The following ITGB7 variants were observed in gnomAD, a reference collection of about 807,000 sequenced individuals.
The protein encoded by ITGB7 is integrin beta-7.
A neutral mutation model predicts 83.4 loss-of-function variants in ITGB7; 55 were observed. The ratio of observed to expected loss-of-function variants is 0.66; its 90% CI spans 0.53 to 0.83. The LOEUF (loss-of-function observed/expected upper bound fraction) is 0.83. Ranked by LOEUF, ITGB7 falls within the 40% of genes least tolerant of loss-of-function variation. The pLI, the probability that ITGB7 is intolerant of heterozygous loss-of-function variation, is 0.00. For missense variants in ITGB7, 921 were observed against 1,046.7 expected (o/e 0.88, Z 1.66); for synonymous variants, 454 against 423.6 (o/e 1.07, Z -0.88).
At chr12:53,194,424 C>G in intron 9 of ITGB7, 80 bp from the exon 10 acceptor site, 2 of 1,429,142 alleles carry the variant, frequency 1.4e-6, no homozygotes, top group South Asian at 1.2e-5. Context: ...TCCAGGTGTT[C>G]CCAATTCTGC....
chr12:53,202,395 C>A (rs1028586125), intron 1 of ITGB7, among the ~76,000 whole-genome samples: 1 of 152,080 alleles, frequency 6.6e-6, no homozygotes, highest in Non-Finnish European at 1.5e-5. Flanking sequence ...TGGAGTCTTG[C>A]TCAGGCTGGA....
chr12:53,200,300 G>A lies in ITGB7; in HGVS notation c.144C>T (p.Ala48=). Reference sequence around the variant, plus strand: ...AGAGGATGCACTTCTGGCAGGAGGGGGCTGGCTGGCAGGACCCCAGCATGG... The same window carrying A: ...AGAGGATGCACTTCTGGCAGGAGGGAGCTGGCTGGCAGGACCCCAGCATGG... ...HLSMLGSCQP[A]PSCQKCILSH... is the part of the protein sequence containing the mutation. The change falls in exon 3 of 16, where the codon GCC becomes GCT. Residue 48 remains alanine, a synonymous_variant. Coordinates refer to ENST00000267082, the MANE Select transcript of ITGB7 (RefSeq NM_000889.3). 6.2e-7 allele frequency: 1 copy of A among 1,614,120 alleles called. No individual in the cohort carries two copies. Among genetic ancestry groups the A allele is most frequent in the Non-Finnish European group, 8.5e-7 (1 of 1,180,028 alleles).
chr12:53,202,818 G>A (rs1174056655), intron 1 of ITGB7, among the ~76,000 whole-genome samples: 4 of 152,014 alleles, frequency 2.6e-5, no homozygotes, highest in African/African-American at 7.2e-5. Context: ...AAAATTAGCC[G>A]GGTGTAGTGG....
Position 53,191,429 on chromosome 12 carries a change from G to A in ITGB7, c.*127C>T, listed in dbSNP as rs1270247754. The A allele has an allele frequency of 1.3e-6, 1 of 760,096 alleles. No individual in the cohort carries two copies. The highest frequency in any genetic ancestry group is 2.3e-6 in the Non-Finnish European group (1 of 427,940). The allele number at this position is 760,096 out of a possible 1,614,324, so 47.1% of individuals were successfully genotyped here. A position where few individuals can be genotyped will look rare whatever the true frequency, so the allele number is the denominator to read the frequency against. On this transcript the variant is annotated 3_prime_UTR_variant, in exon 16 of 16. Transcript: ENST00000267082. ...GGGTGTCACTCTGAAAATGAAGTAG[G>A]GTGGTGGCCGCACCTCGCCAGTGAA...
chr12:53,196,461 A>C, intron 6 of ITGB7, 118 bp downstream of exon 6: 1 of 1,361,662 alleles, frequency 7.3e-7, no homozygotes. Context: ...CTAAATATAC[A>C]AACTACAGCA....
Position 53,204,214 on chromosome 12 carries a change from T to C in ITGB7, c.-127+2988A>G, listed in dbSNP as rs139564701. Among the ~76,000 whole-genome samples, 777 of 152,038 alleles carry C rather than the reference T, an allele frequency of 5.1e-3. 6 individuals carry two copies. Among genetic ancestry groups the C allele is most frequent in the African/African-American group, 0.017 (718 of 41,444 alleles). On this transcript the variant is annotated intron_variant, in intron 1 of 15. Transcript: ENST00000267082. ...TACCAACATGGTGAAACCCCATATC[T>C]ACTAAAAATACAAAAATTATCCAGG...
At position 53,194,247 on chromosome 12, in the gene ITGB7, C is replaced by T. The variant is rs755338113; in HGVS notation, c.1259G>A (p.Gly420Asp). The change falls in exon 10 of 16, where the codon GGT becomes GAT. Residue 420 changes from glycine to aspartate, a missense_variant. By Grantham distance (94) the Gly-to-Asp change is moderately conservative. Transcript: ENST00000267082. ...SQCEGPEKREGKAEDRGQCNH... is the reference protein window; with the variant it reads ...SQCEGPEKREDKAEDRGQCNH... ...GCACTGTCCTCGATCCTCAGCCTTA[C>T]CCTCCCTCTTCTCAGGACCCTCACA... The T allele has an allele frequency of 1.2e-6, 2 of 1,614,098 alleles. No homozygotes were observed. Among genetic ancestry groups the T allele is most frequent in the Admixed American group, 1.7e-5 (1 of 60,016 alleles).
rs1419481483 is a variant in ITGB7, at chr12:53,192,676, G to A, written c.1946+15C>T. On this transcript the variant is annotated intron_variant, in intron 13 of 15. Coordinates refer to ENST00000267082, the MANE Select transcript of ITGB7 (RefSeq NM_000889.3). ...CTGTGCCCCTGCTCCCAAGATGCAA[G>A]ACCTGAGGCCTCACCGGTGTCTCTC... The A allele has an allele frequency of 6.2e-7, 1 of 1,610,076 alleles. No individual in the cohort carries two copies.
At chr12:53,193,409 C>G in intron 11 of ITGB7, 46 bp from the exon 12 acceptor site, 2 of 1,375,412 alleles carry the variant, frequency 1.5e-6, no homozygotes, top group Non-Finnish European at 2.0e-6. Context: ...AGGGTTTGAT[C>G]ACCCCTGACT....
rs367879540 is a variant in ITGB7 at position 53,194,208 on chromosome 12, A to G, written c.1298T>C (p.Ile433Thr). ...CTTGCTGGCTCTCACCGTCTGGTTG[A>G]TTCGGACGTGGTTGCACTGTCCTCG... ...EDRGQCNHVR[I>T]NQTVTFWVSL... Residue 433 changes from isoleucine (I) to threonine (T), a missense_variant, in exon 10 of 16, where the codon ATC becomes ACC. Transcript: ENST00000267082. The G allele has an allele frequency of 6.2e-7, 1 of 1,613,828 alleles. No homozygotes were observed. The highest frequency in any genetic ancestry group is 1.7e-5 in the Admixed American group (1 of 59,990).
rs538946582 is a variant in ITGB7 at position 53,192,094 on chromosome 12, C to T, written c.2156-75G>A. On this transcript the variant is annotated intron_variant, in intron 14 of 15. Transcript: ENST00000267082. Reference sequence around the variant, plus strand: ...GATCATCAGTTGCTCACAGTGTGTCCAGCCTGTCCAACCCTGTCTGTCACT... The same window carrying T: ...GATCATCAGTTGCTCACAGTGTGTCTAGCCTGTCCAACCCTGTCTGTCACT... 2.2e-5 allele frequency: 33 copies of T among 1,520,062 alleles called. No homozygotes were observed. In the South Asian group the frequency reaches 2.7e-4, roughly 13 times the overall value. The allele number at this position is 1,520,062 out of a possible 1,614,324, so 94.2% of individuals were successfully genotyped here.
In ITGB7 at chr12:53,192,339, G is replaced by T. The variant is rs757545073; in HGVS notation, c.2146C>A (p.Pro716Thr). The T allele has an allele frequency of 5.6e-6, 9 of 1,613,846 alleles. No homozygotes were observed. The highest frequency in any genetic ancestry group is 6.8e-6 in the Non-Finnish European group (8 of 1,180,020). ...ARGTVVLRVR[P>T]QEKGADHTQA... ...ATCCCTGCCCACTTACTTTCTTGGGGTCTCACTCTGAGCACGACCGTGCCT... is the reference window on the plus strand; with the variant it reads ...ATCCCTGCCCACTTACTTTCTTGGGTTCTCACTCTGAGCACGACCGTGCCT... The change falls in exon 14 of 16, where the codon CCC becomes ACC. Residue 716 changes from proline (P) to threonine (T), a missense_variant. By Grantham distance (38) the Pro-to-Thr change is conservative. Transcript: ENST00000267082.
intron 3 of ITGB7, among the ~76,000 whole-genome samples, chr12:53,199,549 C>T (rs1259200932): frequency 2.7e-5 from 4 of 148,848 alleles, no homozygotes; most frequent in African/African-American, 7.5e-5. Flanking sequence ...CTGTTGAAGC[C>T]CTAACCCTCC....
intron 5 of ITGB7, 193 bp downstream of exon 5, chr12:53,197,298 CTT>C (rs772571103): frequency 3.3e-5 from 22 of 673,914 alleles, no homozygotes; most frequent in Non-Finnish European, 5.1e-5. Context: ...CGGATAGTCT[CTT>C]GAGTCCTCTC....
Position 53,196,079 on chromosome 12 carries a change from A to G in ITGB7, c.937T>C (p.Leu313=). The G allele has an allele frequency of 6.2e-7, 1 of 1,614,170 alleles. No individual in the cohort carries two copies. Among genetic ancestry groups the G allele is most frequent in the Non-Finnish European group, 8.5e-7 (1 of 1,180,010 alleles). ...CGACTGTAGAGGCCATTGCTGTCCA[A>G]GTGGCAGTGCCCATCACTGGGCATG... ...IFMPSDGHCH[L]DSNGLYSRST... Residue 313 remains leucine (L), a synonymous_variant, in exon 7 of 16, where the codon TTG becomes CTG. Coordinates refer to ENST00000267082, the MANE Select transcript of ITGB7 (RefSeq NM_000889.3).
Position 53,196,189 on chromosome 12 carries a change from C to T in ITGB7, c.827G>A (p.Gly276Asp). 6.2e-7 allele frequency: 1 copy of T among 1,614,032 alleles called. No individual in the cohort carries two copies. The highest frequency in any genetic ancestry group is 2.2e-5 in the East Asian group (1 of 44,878). The change falls in exon 7 of 16, where the codon GGC (glycine) becomes GAC (aspartate). Residue 276 changes from glycine (G) to aspartate (D), a missense_variant. By Grantham distance (94) the Gly-to-Asp change is moderately conservative. Transcript: ENST00000267082. Reference protein sequence around the residue: ...LQAALCQEQIGWRNVSRLLVF... With the variant: ...LQAALCQEQIDWRNVSRLLVF... ...CAGCAGCCGGGACACATTTCTCCAG[C>T]CAATCTGCTCCTGAGTTACAGTGGG...
At chr12:53,201,773 C>T (rs562052773) in intron 1 of ITGB7, among the ~76,000 whole-genome samples, 1 of 152,210 alleles carries the variant, frequency 6.6e-6, no homozygotes, top group African/African-American at 2.4e-5. Context: ...ATTGGCTGGT[C>T]GCAGTGGCTC....
chr12:53,202,731 G>A (rs1442576203), intron 1 of ITGB7, among the ~76,000 whole-genome samples: 1 of 152,054 alleles, frequency 6.6e-6, no homozygotes, highest in African/African-American at 2.4e-5. Context: ...GGGAGGCCGA[G>A]ACAGGCAGAT....
chr12:53,196,555 C>CT (rs779626028), intron 6 of ITGB7, 24 bp downstream of exon 6: 110 of 1,593,464 alleles, frequency 6.9e-5, no homozygotes, highest in Non-Finnish European at 8.7e-5. Flanking sequence ...CCTCCAGGCT[C>CT]AGATCCCCGC....
Sources: gnomAD v4.1 joint callset for allele counts (sites outside exome capture counted in the v4.1 genomes callset) on GRCh38, gnomAD v4.1.1 for gene constraint, MANE v1.5 for transcripts, NCBI Gene and HGNC (gene_info 2026-07-23, HGNC 2026-07-21) for gene names.